COMMD10: variants seen among roughly 807,000 people sequenced by gnomAD.
COMMD10 encodes COMM domain containing 10, also known as COMM domain-containing protein 10.
COMMD10 carries 33 observed loss-of-function variants against 28.9 expected under a neutral mutation model. The ratio of observed to expected loss-of-function variants is 1.14; its 90% CI spans 0.87 to 1.53. The LOEUF (loss-of-function observed/expected upper bound fraction) is 1.53, where lower values mean the gene tolerates loss of function less well. Among genes scored for constraint, COMMD10 ranks in the 40% most tolerant of loss-of-function variants. The probability of loss-of-function intolerance (pLI) is 0.00; values close to 1 mark genes in which losing one functional copy is unlikely to be tolerated. For synonymous variants in COMMD10, 110 were observed against 81.7 expected (o/e 1.35, Z -1.87); for missense variants, 310 against 233.4 (o/e 1.33, Z -2.14).
chr5:116,093,116 G>A (rs944210424), intron 4 of COMMD10, among the ~76,000 whole-genome samples: 1 of 152,148 alleles, frequency 6.6e-6, no homozygotes, highest in Non-Finnish European at 1.5e-5. Flanking sequence ...CCTGACTTAA[G>A]TTTAGATTTT....
chr5:116,249,041 A>G (rs1351536694), intron 5 of COMMD10, among the ~76,000 whole-genome samples: 1 of 151,846 alleles, frequency 6.6e-6, no homozygotes, highest in African/African-American at 2.4e-5. Flanking sequence ...GTCTTTAGCA[A>G]TTTTTATTGT....
intron 5 of COMMD10, among the ~76,000 whole-genome samples, chr5:116,145,294 A>G (rs1483284513): frequency 1.3e-5 from 2 of 151,836 alleles, no homozygotes; most frequent in Non-Finnish European, 2.9e-5. Flanking sequence ...CACGACTTTG[A>G]GAGGAGAACT....
At chr5:116,187,360 AAAT>A (rs1302047201) in intron 5 of COMMD10, among the ~76,000 whole-genome samples, 4 of 152,164 alleles carry the variant, frequency 2.6e-5, no homozygotes, top group Non-Finnish European at 4.4e-5. Context: ...TTTATATGCA[AAAT>A]AATAATTGTA....
At chr5:116,282,632 G>A (rs191695075) in intron 5 of COMMD10, among the ~76,000 whole-genome samples, 20 of 151,958 alleles carry the variant, frequency 1.3e-4, no homozygotes, top group Admixed American at 1.3e-3. Flanking sequence ...AATTCTGTAG[G>A]CTAGAAGACT....
intron 5 of COMMD10, among the ~76,000 whole-genome samples, chr5:116,260,841 G>A (rs1002242822): frequency 6.6e-6 from 1 of 151,732 alleles, no homozygotes; most frequent in African/African-American, 2.4e-5. Context: ...GTTTAAAAGA[G>A]AGTAAGAAAA....
intron 5 of COMMD10, among the ~76,000 whole-genome samples, chr5:116,286,148 A>G (rs774958589): frequency 6.6e-6 from 1 of 151,764 alleles, no homozygotes. Context: ...GTTAGCAAAC[A>G]GTTGTTCATA....
intron 5 of COMMD10, among the ~76,000 whole-genome samples, chr5:116,230,765 C>G (rs1332194572): frequency 6.6e-6 from 1 of 152,082 alleles, no homozygotes; most frequent in Non-Finnish European, 1.5e-5. Flanking sequence ...ATATCCGTTT[C>G]TCTTTACCAT....
chr5:116,108,954 C>T (rs1750942558), intron 4 of COMMD10, among the ~76,000 whole-genome samples: 1 of 152,234 alleles, frequency 6.6e-6, no homozygotes, highest in South Asian at 2.1e-4. Context: ...GAAGGGGGAT[C>T]TCCTGACCCG....
At chr5:116,241,545 A>G (rs549597798) in intron 5 of COMMD10, among the ~76,000 whole-genome samples, 1 of 152,006 alleles carries the variant, frequency 6.6e-6, no homozygotes, top group Admixed American at 6.5e-5. Flanking sequence ...TCTAGTTCTT[A>G]ATATGGTAAA....
chr5:116,125,459 C>G (rs776885305), intron 4 of COMMD10, among the ~76,000 whole-genome samples: 1 of 152,104 alleles, frequency 6.6e-6, no homozygotes, highest in Non-Finnish European at 1.5e-5. Context: ...GTAACCCGAC[C>G]TTTGTCTCTG....
intron 4 of COMMD10, among the ~76,000 whole-genome samples, chr5:116,114,873 C>T (rs772202017): frequency 1.9e-4 from 29 of 152,090 alleles, no homozygotes; most frequent in Non-Finnish European, 3.8e-4. Flanking sequence ...CTGCCCAGGT[C>T]AGGACCAGAC....
chr5:116,144,123 A>C (rs1580485156), intron 5 of COMMD10, among the ~76,000 whole-genome samples: 1 of 151,858 alleles, frequency 6.6e-6, no homozygotes. Flanking sequence ...AGCAAATTGT[A>C]AACTAGAAAT....
At chr5:116,143,176 G>C (rs527340854) in intron 5 of COMMD10, among the ~76,000 whole-genome samples, 1 of 148,574 alleles carries the variant, frequency 6.7e-6, no homozygotes, top group Admixed American at 6.8e-5. Context: ...TCTGCATAAC[G>C]CAATGCAAAC....
rs528895153 is a variant in COMMD10 at position 116,281,135 on chromosome 5, T to C, written c.511-10382T>C. On this transcript the variant is annotated intron_variant, in intron 5 of 6. Transcript: ENST00000274458. ...ATGTAAATTTGGTTTAATTCTTACC[T>C]AGTTTATATCTGTATTATTTAGAGG... is the stretch of plus-strand genomic sequence containing the variant. Among the ~76,000 whole-genome samples, 62 of 151,960 alleles carry C rather than the reference T, an allele frequency of 4.1e-4. 2 individuals are homozygous for C. In the South Asian group the frequency reaches 0.012, roughly 30 times the overall value.
chr5:116,182,455 CAA>C (rs35523877), intron 5 of COMMD10, among the ~76,000 whole-genome samples: 1 of 147,546 alleles, frequency 6.8e-6, no homozygotes, highest in Non-Finnish European at 1.5e-5. Context: ...AGAGTTTGAG[CAA>C]AAAAAAAGTC....
chr5:116,185,928 A>G lies in COMMD10; in HGVS notation c.510+51750A>G, dbSNP rs140294975. Among the ~76,000 whole-genome samples, 1,087 of 152,116 alleles carry G rather than the reference A, an allele frequency of 7.1e-3. 16 individuals carry two copies. Among genetic ancestry groups the G allele is most frequent in the African/African-American group, 0.025 (1,042 of 41,520 alleles). The stretch of plus-strand genomic sequence containing the variant: ...GTCTTCTCTGTACCAACCAGCAAGA[A>G]CTCTGACCCTGGATGAATGTTACCT... On this transcript the variant is annotated intron_variant, in intron 5 of 6. Coordinates refer to ENST00000274458, the MANE Select transcript of COMMD10 (RefSeq NM_016144.4).
intron 5 of COMMD10, among the ~76,000 whole-genome samples, chr5:116,191,509 G>A (rs1481276777): frequency 1.3e-5 from 2 of 151,864 alleles, no homozygotes; most frequent in African/African-American, 2.4e-5. Flanking sequence ...TGACGCCTGT[G>A]ACTGCCAGCT....
At chr5:116,162,407 T>C (rs1295070820) in intron 5 of COMMD10, among the ~76,000 whole-genome samples, 1 of 152,166 alleles carries the variant, frequency 6.6e-6, no homozygotes, top group South Asian at 2.1e-4. Flanking sequence ...TACAATAATT[T>C]ATAGATAGCT....
At chr5:116,280,648 A>G (rs1382343) in intron 5 of COMMD10, among the ~76,000 whole-genome samples, 72,189 of 151,650 alleles carry the variant, frequency 0.48, 19,313 homozygotes, top group African/African-American at 0.72. Context: ...GTGGATGACA[A>G]AAATGACTAA....
Sources: gnomAD v4.1 joint callset for allele counts (sites outside exome capture counted in the v4.1 genomes callset) on GRCh38, gnomAD v4.1.1 for gene constraint, MANE v1.5 for transcripts, NCBI Gene and HGNC (gene_info 2026-07-23, HGNC 2026-07-21) for gene names.